ITGA1: variants seen among roughly 807,000 people sequenced by gnomAD.
ITGA1 encodes the protein integrin subunit alpha 1.
ITGA1 carries 85 observed loss-of-function variants against 145.9 expected under a neutral mutation model. The observed-to-expected ratio is 0.58, with a 90% CI of 0.49 to 0.70. ITGA1 has a LOEUF of 0.70. Among genes scored for constraint, ITGA1 ranks in the 30% least tolerant of loss-of-function variants. ITGA1 has a pLI of 0.00. For synonymous variants in ITGA1, 520 were observed against 495.3 expected (o/e 1.05, Z -0.66); for missense variants, 1,351 against 1,418.7 (o/e 0.95, Z 0.77).
chr5:52,916,794 A>G (rs1351963320), intron 15 of ITGA1, among the ~76,000 whole-genome samples: 1 of 152,174 alleles, frequency 6.6e-6, no homozygotes, highest in East Asian at 1.9e-4. Context: ...TTAATCCTGA[A>G]TTAGTTTATT....
intron 8 of ITGA1, 123 bp downstream of exon 8, chr5:52,888,088 G>C: frequency 2.0e-6 from 2 of 995,664 alleles, no homozygotes; most frequent in Non-Finnish European, 2.9e-6. Context: ...CCATTTGAAG[G>C]TAAGCCCTGG....
intron 9 of ITGA1, among the ~76,000 whole-genome samples, chr5:52,894,441 G>C (rs1750196483): frequency 6.6e-6 from 1 of 151,940 alleles, no homozygotes; most frequent in African/African-American, 2.4e-5. Context: ...AGGATAACGA[G>C]TTATGGCATT....
At chr5:52,952,129 G>T (rs1751230184) in intron 28 of ITGA1, among the ~76,000 whole-genome samples, 1 of 151,100 alleles carries the variant, frequency 6.6e-6, no homozygotes. Context: ...GGCGGAGGTT[G>T]CAGTGAGCGG....
chr5:52,919,165 G>T (rs933040244), intron 16 of ITGA1, among the ~76,000 whole-genome samples: 3 of 152,132 alleles, frequency 2.0e-5, no homozygotes, highest in Non-Finnish European at 4.4e-5. Context: ...TACTTGCTAT[G>T]TACAATGAGA....
intron 7 of ITGA1, among the ~76,000 whole-genome samples, chr5:52,887,236 A>G (rs1486020896): frequency 3.9e-5 from 6 of 152,220 alleles, no homozygotes; most frequent in Admixed American, 2.0e-4. Flanking sequence ...TCTGCAGTCT[A>G]TTACTCCCAT....
In ITGA1 at chr5:52,911,581, T is replaced by TAGTGTATCTACTATATATACTATAC. The variant is rs1699141638; in HGVS notation, c.1857+1163_1857+1164insGTGTATCTACTATATATACTATACA. On this transcript the variant is annotated intron_variant, in intron 14 of 28. Coordinates refer to ENST00000282588, the MANE Select transcript of ITGA1 (RefSeq NM_181501.2). ...GTGTATCTACTATATATACTATATA[T>TAGTGTATCTACTATATATACTATAC]ATAGTGTATCTACTATATATACTAT... 2.1e-4 allele frequency among the ~76,000 whole-genome samples: 15 copies of TAGTGTATCTACTATATATACTATAC among 71,260 alleles called. 4 individuals are homozygous for TAGTGTATCTACTATATATACTATAC. Among genetic ancestry groups the TAGTGTATCTACTATATATACTATAC allele is most frequent in the South Asian group, 7.3e-4 (2 of 2,744 alleles). 46.7% of individuals were successfully genotyped at this position (71,260 alleles called of 152,430 possible).
intron 27 of ITGA1, 146 bp from the exon 28 acceptor site, chr5:52,947,198 GC>G: frequency 1.8e-6 from 1 of 557,390 alleles, no homozygotes; most frequent in Non-Finnish European, 3.2e-6. Context: ...TAGATGAAGA[GC>G]ATTTTCTAAT....
chr5:52,884,036 C>T (rs2447864), intron 7 of ITGA1, among the ~76,000 whole-genome samples: 30,067 of 152,108 alleles, frequency 0.2, 3,128 homozygotes, highest in South Asian at 0.28. Context: ...GTTTTAGTGA[C>T]CTAAGGAATT....
At chr5:52,849,055 T>C (rs1745452853) in intron 1 of ITGA1, among the ~76,000 whole-genome samples, 1 of 152,228 alleles carries the variant, frequency 6.6e-6, no homozygotes, top group Admixed American at 6.5e-5. Context: ...CATGTGTCTT[T>C]ATAGCAGCAT....
intron 28 of ITGA1, among the ~76,000 whole-genome samples, chr5:52,949,825 T>G (rs768556561): frequency 6.6e-6 from 1 of 152,186 alleles, no homozygotes; most frequent in African/African-American, 2.4e-5. Flanking sequence ...TCAGTTGCAG[T>G]AGGTTCAGAA....
chr5:52,948,244 G>A (rs1048256267), intron 28 of ITGA1, among the ~76,000 whole-genome samples: 8 of 152,078 alleles, frequency 5.3e-5, no homozygotes, highest in African/African-American at 1.9e-4. Flanking sequence ...AGAGTTGAAT[G>A]TTTTTTCAAT....
chr5:52,841,900 G>T (rs1187560396), intron 1 of ITGA1, among the ~76,000 whole-genome samples: 1 of 151,712 alleles, frequency 6.6e-6, no homozygotes, highest in Non-Finnish European at 1.5e-5. Flanking sequence ...GCTTTGGCAA[G>T]AGGTAAGAGC....
At position 52,920,918 on chromosome 5, in the gene ITGA1, G is replaced by A. The variant is rs148877855; in HGVS notation, c.2292+450G>A. On this transcript the variant is annotated intron_variant, in intron 17 of 28. Coordinates refer to ENST00000282588, the MANE Select transcript of ITGA1 (RefSeq NM_181501.2). ...GATCCATGTAACTACATATCTCGCC[G>A]TTTGATTTTAGAGCGAAGGGGAAAA... is the stretch of plus-strand genomic sequence containing the variant. 5.4e-4 allele frequency among the ~76,000 whole-genome samples: 82 copies of A among 151,970 alleles called. No individual in the cohort carries two copies. The East Asian group carries it at 0.013, about 24-fold the overall frequency.
At chr5:52,859,421 A>C (rs749093441) in intron 2 of ITGA1, among the ~76,000 whole-genome samples, 27 of 152,200 alleles carry the variant, frequency 1.8e-4, no homozygotes, top group Non-Finnish European at 3.4e-4. Flanking sequence ...AGTAAAAATT[A>C]TGTATTAAAG....
chr5:52,926,463 A>T (rs1202336206), intron 19 of ITGA1, among the ~76,000 whole-genome samples: 1 of 150,874 alleles, frequency 6.6e-6, no homozygotes, highest in African/African-American at 2.5e-5. Context: ...TTAGCAAGGC[A>T]TGGTGGCACA....
At chr5:52,821,822 A>C (rs1580047803) in intron 1 of ITGA1, among the ~76,000 whole-genome samples, 1 of 152,172 alleles carries the variant, frequency 6.6e-6, no homozygotes, top group Non-Finnish European at 1.5e-5. Context: ...ATGCCTTTAA[A>C]ATTATGCTAG....
At chr5:52,907,255 A>G (rs1390416355) in intron 12 of ITGA1, among the ~76,000 whole-genome samples, 1 of 152,190 alleles carries the variant, frequency 6.6e-6, no homozygotes, top group Non-Finnish European at 1.5e-5. Flanking sequence ...TGGAAAACGC[A>G]TAACAGTTAG....
In ITGA1 at chr5:52,918,744, G is replaced by C; in HGVS notation, c.2001G>C (p.Val667=). ...TTTTTGTTTGTAGGTCCCGAGATGTGGCCGTAGTTAAAGTGACCATGAATT... is the reference window on the plus strand; with the variant it reads ...TTTTTGTTTGTAGGTCCCGAGATGTCGCCGTAGTTAAAGTGACCATGAATT... ...GGAALFWSRD[V]AVVKVTMNFE... The change falls in exon 16 of 29, where the codon GTG becomes GTC. Residue 667 remains valine (V), a synonymous_variant. Coordinates refer to ENST00000282588, the MANE Select transcript of ITGA1 (RefSeq NM_181501.2). 1 of 1,608,340 alleles carries C rather than the reference G, an allele frequency of 6.2e-7. No individual in the cohort carries two copies.
At chr5:52,835,913 G>T (rs1260503959) in intron 1 of ITGA1, among the ~76,000 whole-genome samples, 2 of 152,124 alleles carry the variant, frequency 1.3e-5, no homozygotes, top group Admixed American at 1.3e-4. Flanking sequence ...TTATTTATCT[G>T]CATTTATCTT....
Sources: allele counts gnomAD v4.1 joint callset (sites outside exome capture counted in the v4.1 genomes callset), GRCh38; gene constraint gnomAD v4.1.1; transcripts MANE v1.5; gene names NCBI Gene and HGNC (gene_info 2026-07-23, HGNC 2026-07-21).